WDR49: variants seen among roughly 807,000 people sequenced by gnomAD.
The protein encoded by WDR49 is WD repeat domain 49.
In WDR49, 107 loss-of-function variants were observed where a neutral mutation model predicts 119.5. The ratio of observed to expected loss-of-function variants is 0.90; its 90% CI spans 0.77 to 1.05. The LOEUF (loss-of-function observed/expected upper bound fraction) is 1.05, where lower values mean the gene tolerates loss of function less well. WDR49 is among the 50% of genes least tolerant of loss of function. The pLI, the probability that WDR49 is intolerant of heterozygous loss-of-function variation, is 0.00. For missense variants in WDR49, 1,240 were observed against 1,220.5 expected (o/e 1.02, Z -0.24); for synonymous variants, 425 against 418.8 (o/e 1.01, Z -0.18).
At chr3:167,492,722 T>C (rs1252286157) in intron 18 of WDR49, among the ~76,000 whole-genome samples, 1 of 152,166 alleles carries the variant, frequency 6.6e-6, no homozygotes, top group Non-Finnish European at 1.5e-5. Context: ...AGCTAGCAAG[T>C]AGTAGAACCT....
At chr3:167,496,854 A>C (rs1308470856) in intron 18 of WDR49, among the ~76,000 whole-genome samples, 1 of 152,140 alleles carries the variant, frequency 6.6e-6, no homozygotes, top group Non-Finnish European at 1.5e-5. Flanking sequence ...TTTATTTGTA[A>C]ATGGTGCATC....
intron 5 of WDR49, among the ~76,000 whole-genome samples, chr3:167,610,990 T>A (rs572303905): frequency 9.7e-4 from 148 of 152,282 alleles, no homozygotes; most frequent in African/African-American, 3.4e-3. Flanking sequence ...CAATGAATAG[T>A]CACCTGAAGG....
chr3:167,526,765 T>C (rs779619067), intron 15 of WDR49, among the ~76,000 whole-genome samples: 6 of 152,086 alleles, frequency 3.9e-5, no homozygotes, highest in Non-Finnish European at 5.9e-5. Context: ...TCCACACAGG[T>C]TGGCCTCATC....
At chr3:167,550,055 CT>C (rs1712458836) in intron 10 of WDR49, among the ~76,000 whole-genome samples, 1 of 151,136 alleles carries the variant, frequency 6.6e-6, no homozygotes, top group Admixed American at 6.6e-5. Flanking sequence ...TGGTCTATAT[CT>C]CTGTTTTGGT....
intron 5 of WDR49, among the ~76,000 whole-genome samples, chr3:167,618,766 T>C (rs7614964): frequency 0.27 from 41,116 of 152,008 alleles, 5,870 homozygotes; most frequent in African/African-American, 0.35. Flanking sequence ...TAAATTCCCA[T>C]GTTCTTTTGT....
chr3:167,545,215 T>C (rs1490528312), intron 10 of WDR49, among the ~76,000 whole-genome samples: 2 of 151,736 alleles, frequency 1.3e-5, no homozygotes, highest in Non-Finnish European at 2.9e-5. Context: ...GGCATGGACG[T>C]GGTGAAAAGG....
chr3:167,627,125 CAG>C lies in WDR49; in HGVS notation c.331_332del (p.Leu111AlafsTer5). The C allele has an allele frequency of 7.8e-7, 1 of 1,278,526 alleles. No homozygotes were observed. The highest frequency in any genetic ancestry group is 3.0e-5 in the East Asian group (1 of 33,546). The allele number at this position is 1,278,526 out of a possible 1,614,324, so 79.2% of individuals were successfully genotyped here. On this transcript the variant is annotated frameshift_variant, in exon 3 of 19. Transcript: ENST00000682715. LOFTEE classifies it high-confidence loss of function. ...GTTCATCTTGCTCATAAAGCTCTAG[CAG>C]TATAAATGAAGTCAGCTTGTCCCAA... ...INWDKLTSFI[L>X]LELYEQDERA...
At chr3:167,480,116 T>TCAGCTACTCGGGAGGC (rs1235442932) in intron 18 of WDR49, among the ~76,000 whole-genome samples, 2 of 151,102 alleles carry the variant, frequency 1.3e-5, no homozygotes, top group South Asian at 4.2e-4. Flanking sequence ...GCCTGTAATC[T>TCAGCTACTCGGGAGGC]CAGCTACTCG....
chr3:167,619,254 G>T (rs1716749037), intron 5 of WDR49, among the ~76,000 whole-genome samples: 1 of 151,976 alleles, frequency 6.6e-6, no homozygotes, highest in African/African-American at 2.4e-5. Context: ...ACAAATAAAA[G>T]AATACAATGT....
chr3:167,525,858 C>T (rs921098857), intron 15 of WDR49, among the ~76,000 whole-genome samples: 1 of 6,854 alleles, frequency 1.5e-4, no homozygotes, highest in Non-Finnish European at 2.6e-4. Context: ...AACAAACAAA[C>T]AACAAAAAAA....
chr3:167,600,719 A>C (rs1715731100), intron 7 of WDR49, among the ~76,000 whole-genome samples: 1 of 152,244 alleles, frequency 6.6e-6, no homozygotes, highest in Non-Finnish European at 1.5e-5. Context: ...CTACGTCTGC[A>C]TAAGAGACTT....
intron 10 of WDR49, among the ~76,000 whole-genome samples, chr3:167,554,192 G>GT (rs1421482897): frequency 2.0e-5 from 3 of 152,122 alleles, no homozygotes; most frequent in African/African-American, 7.2e-5. Flanking sequence ...CTCGAGAAGA[G>GT]TAAGTGCCTT....
intron 16 of WDR49, among the ~76,000 whole-genome samples, chr3:167,518,465 T>C (rs1213862153): frequency 6.6e-6 from 1 of 152,134 alleles, no homozygotes; most frequent in East Asian, 1.9e-4. Flanking sequence ...GGTTTTGATT[T>C]GCATTTCTCT....
At chr3:167,590,207 T>C (rs972652051) in intron 7 of WDR49, among the ~76,000 whole-genome samples, 3 of 152,144 alleles carry the variant, frequency 2.0e-5, no homozygotes, top group Non-Finnish European at 2.9e-5. Context: ...ATCAAATTGA[T>C]TGATTTGCAT....
intron 2 of WDR49, among the ~76,000 whole-genome samples, chr3:167,634,382 T>C (rs1376157135): frequency 6.6e-6 from 1 of 151,936 alleles, no homozygotes; most frequent in Non-Finnish European, 1.5e-5. Flanking sequence ...TCTACAATTG[T>C]TGTTGCAAGA....
chr3:167,614,237 G>A (rs1716491897), intron 5 of WDR49, among the ~76,000 whole-genome samples: 1 of 151,966 alleles, frequency 6.6e-6, no homozygotes, highest in Non-Finnish European at 1.5e-5. Context: ...AAGTAGCTGG[G>A]ATTACAAGCG....
intron 9 of WDR49, among the ~76,000 whole-genome samples, chr3:167,556,434 G>A (rs778606333): frequency 9.2e-5 from 14 of 152,296 alleles, no homozygotes; most frequent in Non-Finnish European, 7.3e-5. Context: ...GAGGGCACAA[G>A]CAGTTCTGGT....
chr3:167,605,012 T>TTGTG lies in WDR49; in HGVS notation c.959-548_959-545dup, dbSNP rs370361855. 1.8e-3 allele frequency among the ~76,000 whole-genome samples: 259 copies of TTGTG among 143,462 alleles called. 1 individual carries two copies. The highest frequency in any genetic ancestry group is 6.1e-3 in the South Asian group (27 of 4,426). The allele number at this position is 143,462 out of a possible 152,430, so 94.1% of individuals were successfully genotyped here. A position where few individuals can be genotyped will look rare whatever the true frequency, so the allele number is the denominator to read the frequency against. On this transcript the variant is annotated intron_variant, in intron 5 of 18. Transcript: ENST00000682715. ...TTTTGGTATAATAACTTAATTTGCT[T>TTGTG]TGTGTGTGTGTGTGTGTGTGTGTGT...
chr3:167,584,412 G>C (rs1714704339), intron 7 of WDR49, among the ~76,000 whole-genome samples: 1 of 151,986 alleles, frequency 6.6e-6, no homozygotes, highest in Non-Finnish European at 1.5e-5. Context: ...ATACTGATAG[G>C]GCTTTTCATG....
Sources: allele counts gnomAD v4.1 joint callset (sites outside exome capture counted in the v4.1 genomes callset), GRCh38; gene constraint gnomAD v4.1.1; transcripts MANE v1.5; gene names NCBI Gene and HGNC (gene_info 2026-07-23, HGNC 2026-07-21).